Variants in PPFIA2 observed in about 807,000 individuals in gnomAD.
The protein encoded by PPFIA2 is liprin-alpha-2.
Under a neutral mutation model 175.5 loss-of-function variants are expected in PPFIA2, and 46 were observed. The ratio of observed to expected loss-of-function variants is 0.26; its 90% CI spans 0.21 to 0.34. The LOEUF (loss-of-function observed/expected upper bound fraction) is 0.34. PPFIA2 is among the 10% of genes least tolerant of loss of function. The probability of loss-of-function intolerance (pLI) is 1.00; values close to 1 mark genes in which losing one functional copy is unlikely to be tolerated. For synonymous variants in PPFIA2, 568 were observed against 511.4 expected (o/e 1.11, Z -1.49); for missense variants, 1,179 against 1,506.1 (o/e 0.78, Z 3.60).
intron 3 of PPFIA2, among the ~76,000 whole-genome samples, chr12:81,707,035 G>T (rs1268567565): frequency 3.9e-5 from 6 of 152,054 alleles, no homozygotes; most frequent in Admixed American, 3.3e-4. Context: ...ATGGATTAAA[G>T]ACTTAAACGT....
intron 8 of PPFIA2, among the ~76,000 whole-genome samples, chr12:81,385,673 G>A (rs1345109589): frequency 1.3e-5 from 2 of 152,142 alleles, no homozygotes; most frequent in African/African-American, 2.4e-5. Flanking sequence ...CATAGAAGTT[G>A]ATAGAAGAAT....
At chr12:81,623,908 C>T (rs1472451541) in intron 4 of PPFIA2, among the ~76,000 whole-genome samples, 2 of 151,866 alleles carry the variant, frequency 1.3e-5, no homozygotes, top group Admixed American at 6.6e-5. Flanking sequence ...CACCCTACAA[C>T]AAAAAATAAT....
In PPFIA2 at chr12:81,309,718, A is replaced by G. The variant is rs193168184; in HGVS notation, c.2643-10336T>C. ...AAATTCATTCATATTTAAACCGTTT[A>G]TCTTCAAGCTTCTCTGAAATATAGG... On this transcript the variant is annotated intron_variant, in intron 22 of 32. Coordinates refer to ENST00000549396, the MANE Select transcript of PPFIA2 (RefSeq NM_003625.5). Among the ~76,000 whole-genome samples, 24 of 152,212 alleles carry G rather than the reference A, an allele frequency of 1.6e-4. No homozygotes were observed. The East Asian group carries it at 4.6e-3, about 29-fold the overall frequency.
At chr12:81,299,197 A>G (rs2047218398) in intron 23 of PPFIA2, 104 bp downstream of exon 23, 1 of 1,426,970 alleles carries the variant, frequency 7.0e-7, no homozygotes, top group Admixed American at 2.2e-5. Context: ...GCAATTCCAG[A>G]CTAAGGGGAT....
intron 29 of PPFIA2, 111 bp downstream of exon 29, chr12:81,267,801 T>C (rs1194712072): frequency 4.5e-6 from 4 of 885,528 alleles, no homozygotes; most frequent in Middle Eastern, 3.1e-4. Context: ...TTTCAAACAT[T>C]GAGTTAACTT....
intron 3 of PPFIA2, among the ~76,000 whole-genome samples, chr12:81,697,593 T>C (rs559694069): frequency 1.5e-4 from 23 of 152,292 alleles, no homozygotes; most frequent in African/African-American, 5.3e-4. Flanking sequence ...AATTCTTTAG[T>C]AATAACATTC....
At chr12:81,314,919 A>G (rs531431982) in intron 22 of PPFIA2, among the ~76,000 whole-genome samples, 8 of 150,906 alleles carry the variant, frequency 5.3e-5, no homozygotes, top group Non-Finnish European at 7.4e-5. Flanking sequence ...CTGATGGGGG[A>G]AAAAAAAAGA....
At chr12:81,426,618 T>G (rs976280525) in intron 7 of PPFIA2, among the ~76,000 whole-genome samples, 2 of 152,200 alleles carry the variant, frequency 1.3e-5, no homozygotes, top group Non-Finnish European at 2.9e-5. Flanking sequence ...CAGTCAATTA[T>G]CAATTAAAAA....
At position 81,724,224 on chromosome 12, in the gene PPFIA2, A is replaced by G. The variant is rs148650688; in HGVS notation, c.249+29749T>C. On this transcript the variant is annotated intron_variant, in intron 3 of 32. Transcript: ENST00000549396. ...ATCGTTCTACATAAAGTTTCCAAAT[A>G]ACATTGTGTTATGCCTGACTGATAA... Among the ~76,000 whole-genome samples the G allele has an allele frequency of 5.3e-3, 803 of 151,126 alleles. 7 individuals carry two copies. The highest frequency in any genetic ancestry group is 0.017 in the African/African-American group (723 of 41,420).
intron 3 of PPFIA2, among the ~76,000 whole-genome samples, chr12:81,713,410 C>A (rs1295783241): frequency 6.6e-6 from 1 of 151,070 alleles, no homozygotes; most frequent in Non-Finnish European, 1.5e-5. Flanking sequence ...TAGTTAGATA[C>A]AAAGTGCTTA....
At chr12:81,612,616 T>G (rs1327813335) in intron 4 of PPFIA2, among the ~76,000 whole-genome samples, 6 of 152,170 alleles carry the variant, frequency 3.9e-5, no homozygotes, top group African/African-American at 1.4e-4. Context: ...TAGACTCCAC[T>G]GGGGTAACAG....
chr12:81,408,651 T>C (rs911217308), intron 7 of PPFIA2, among the ~76,000 whole-genome samples: 3 of 152,156 alleles, frequency 2.0e-5, no homozygotes, highest in Non-Finnish European at 4.4e-5. Flanking sequence ...AAAGTACAAA[T>C]ATAATTGAGC....
chr12:81,704,611 T>G (rs981434170), intron 3 of PPFIA2, among the ~76,000 whole-genome samples: 1 of 152,088 alleles, frequency 6.6e-6, no homozygotes, highest in South Asian at 2.1e-4. Flanking sequence ...AAAAGACAAG[T>G]GCAGACTTCA....
intron 4 of PPFIA2, among the ~76,000 whole-genome samples, chr12:81,580,442 T>C (rs2074234096): frequency 6.6e-6 from 1 of 151,798 alleles, no homozygotes; most frequent in Non-Finnish European, 1.5e-5. Flanking sequence ...TGAAGCTGAT[T>C]TGAATAGCAC....
At chr12:81,442,978 T>C (rs1056593086) in intron 6 of PPFIA2, among the ~76,000 whole-genome samples, 18 of 146,204 alleles carry the variant, frequency 1.2e-4, no homozygotes, top group East Asian at 2.1e-4. Context: ...AGGGAAATTG[T>C]CTATGAAGGC....
intron 7 of PPFIA2, among the ~76,000 whole-genome samples, chr12:81,420,979 A>T (rs1592716253): frequency 6.6e-6 from 1 of 152,294 alleles, no homozygotes; most frequent in East Asian, 1.9e-4. Flanking sequence ...ATTTCTCAGC[A>T]GAAACATTGC....
intron 4 of PPFIA2, among the ~76,000 whole-genome samples, chr12:81,584,726 A>T (rs940872322): frequency 6.1e-5 from 9 of 146,926 alleles, no homozygotes; most frequent in Non-Finnish European, 1.3e-4. Context: ...TGTATATCTA[A>T]ATATATATAA....
chr12:81,598,116 A>T, intron 4 of PPFIA2: 5 of 1,523,018 alleles, frequency 3.3e-6, no homozygotes, highest in Non-Finnish European at 4.4e-6. Context: ...CCGTGCATGC[A>T]TTGAGGGAGA....
At chr12:81,329,503 G>A (rs1006373883) in intron 21 of PPFIA2, among the ~76,000 whole-genome samples, 3 of 152,044 alleles carry the variant, frequency 2.0e-5, no homozygotes, top group African/African-American at 7.2e-5. Context: ...CTCTTCCTGT[G>A]TAAACAGTTT....
Sources: gnomAD v4.1 joint callset for allele counts (sites outside exome capture counted in the v4.1 genomes callset) on GRCh38, gnomAD v4.1.1 for gene constraint, MANE v1.5 for transcripts, NCBI Gene and HGNC (gene_info 2026-07-23, HGNC 2026-07-21) for gene names.